IL1RAPL1: variants seen among roughly 807,000 people sequenced by gnomAD.
IL1RAPL1 encodes interleukin 1 receptor accessory protein like 1, also known as interleukin-1 receptor accessory protein-like 1.
Under a neutral mutation model 48.4 loss-of-function variants are expected in IL1RAPL1, and 3 were observed. That is an observed-to-expected ratio of 0.06 (90% CI 0.03 to 0.16). The LOEUF (loss-of-function observed/expected upper bound fraction) is 0.16. IL1RAPL1 is among the 10% of genes least tolerant of loss of function. IL1RAPL1 has a pLI of 1.00. For missense variants in IL1RAPL1, 349 were observed against 530.6 expected (o/e 0.66, Z 3.36); for synonymous variants, 185 against 187.7 (o/e 0.99, Z 0.12).
At chrX:28,732,158 G>A (rs767771369) in intron 1 of IL1RAPL1, among the ~76,000 whole-genome samples, 1 of 112,322 alleles carries the variant, frequency 8.9e-6, no homozygotes, top group South Asian at 3.7e-4. Flanking sequence ...GGTTACATTC[G>A]TCTGAGAGGA....
intron 1 of IL1RAPL1, among the ~76,000 whole-genome samples, chrX:28,685,500 A>T (rs754783378): frequency 8.9e-6 from 1 of 112,246 alleles, no homozygotes; most frequent in South Asian, 3.6e-4. Context: ...TAACTTGTAA[A>T]TTTCCATTGG....
chrX:29,674,591 T>A (rs950951321), intron 6 of IL1RAPL1, among the ~76,000 whole-genome samples: 2 of 111,771 alleles, frequency 1.8e-5, no homozygotes, highest in African/African-American at 6.5e-5. Flanking sequence ...TTATTTTAGG[T>A]TCAGGGGCAC....
chrX:29,265,440 GAT>G (rs1931936161), intron 2 of IL1RAPL1, among the ~76,000 whole-genome samples: 1 of 109,778 alleles, frequency 9.1e-6, no homozygotes, highest in Non-Finnish European at 1.9e-5. Flanking sequence ...AAAGATAAAA[GAT>G]AAATCATGGA....
chrX:28,684,350 C>A (rs1299651772), intron 1 of IL1RAPL1, among the ~76,000 whole-genome samples: 1 of 111,679 alleles, frequency 9.0e-6, no homozygotes, highest in Non-Finnish European at 1.9e-5. Flanking sequence ...GTGTTTACAA[C>A]ATTCTACTCA....
intron 2 of IL1RAPL1, among the ~76,000 whole-genome samples, chrX:28,859,988 T>C (rs1444475450): frequency 9.0e-6 from 1 of 111,231 alleles, no homozygotes; most frequent in Non-Finnish European, 1.9e-5. Flanking sequence ...CCATTGAAGG[T>C]ACCACTCACT....
intron 5 of IL1RAPL1, among the ~76,000 whole-genome samples, chrX:29,413,929 A>G (rs1934181261): frequency 9.0e-6 from 1 of 110,885 alleles, no homozygotes; most frequent in Non-Finnish European, 1.9e-5. Context: ...GTATGTGTAT[A>G]TATATGTGTG....
At chrX:29,621,790 C>T (rs994845963) in intron 5 of IL1RAPL1, among the ~76,000 whole-genome samples, 2 of 112,005 alleles carry the variant, frequency 1.8e-5, no homozygotes, top group Non-Finnish European at 3.8e-5. Flanking sequence ...GAAATATTCT[C>T]TTCTAGCAAT....
At chrX:29,689,912 A>G (rs1011755431) in intron 6 of IL1RAPL1, among the ~76,000 whole-genome samples, 3 of 112,154 alleles carry the variant, frequency 2.7e-5, no homozygotes, top group East Asian at 2.8e-4. Context: ...AGAGAGCCCA[A>G]TTAATAAGGT....
intron 2 of IL1RAPL1, among the ~76,000 whole-genome samples, chrX:29,194,941 A>AG (rs1338800046): frequency 9.0e-6 from 1 of 110,792 alleles, no homozygotes; most frequent in Non-Finnish European, 1.9e-5. Context: ...CAGTCACCTC[A>AG]GTTTATAGGT....
chrX:29,803,212 T>TATATGTATACATATACACACATGTAC (rs1930091467), intron 6 of IL1RAPL1, among the ~76,000 whole-genome samples: 2 of 37,775 alleles, frequency 5.3e-5, no homozygotes, highest in African/African-American at 1.1e-4. Context: ...CACACATGTA[T>TATATGTATACATATACACACATGTAC]ATATGTATAC....
intron 3 of IL1RAPL1, among the ~76,000 whole-genome samples, chrX:29,328,508 A>G (rs948753331): frequency 1.2e-4 from 13 of 111,052 alleles, no homozygotes; most frequent in African/African-American, 4.2e-4. Flanking sequence ...TCAGGTGACT[A>G]CAAGTAAGAA....
intron 6 of IL1RAPL1, among the ~76,000 whole-genome samples, chrX:29,801,045 CAAAAAAAAAAAAAAA>C (rs60240258): frequency 1.8e-3 from 4 of 2,207 alleles, no homozygotes; most frequent in African/African-American, 3.0e-3. Flanking sequence ...CTCTCCGTCT[CAAAAAAAAAAAAAAA>C]AAAAAAAAAA....
chrX:29,702,892 C>G, intron 6 of IL1RAPL1, among the ~76,000 whole-genome samples: 1 of 112,171 alleles, frequency 8.9e-6, no homozygotes, highest in African/African-American at 3.2e-5. Flanking sequence ...TGGGAAGGAT[C>G]CTGGCCTAAT....
intron 2 of IL1RAPL1, among the ~76,000 whole-genome samples, chrX:29,094,436 A>C (rs2147458438): frequency 9.2e-6 from 1 of 109,288 alleles, no homozygotes; most frequent in South Asian, 3.9e-4. Flanking sequence ...TTTTCTTTTA[A>C]ATTTCTAGAT....
intron 3 of IL1RAPL1, among the ~76,000 whole-genome samples, chrX:29,389,212 C>T (rs924444490): frequency 5.5e-5 from 6 of 108,719 alleles, no homozygotes; most frequent in African/African-American, 1.7e-4. Context: ...AAAAATTAGC[C>T]GGGCGTGGTG....
intron 5 of IL1RAPL1, among the ~76,000 whole-genome samples, chrX:29,554,819 T>C (rs960654313): frequency 3.6e-5 from 4 of 112,138 alleles, no homozygotes; most frequent in African/African-American, 1.3e-4. Context: ...ACTGTAATAC[T>C]GTGGTAACTG....
chrX:28,634,347 A>G lies in IL1RAPL1; in HGVS notation c.-25+46300A>G, dbSNP rs181064842. 1.8e-3 allele frequency among the ~76,000 whole-genome samples: 197 copies of G among 108,026 alleles called. 1 individual carries two copies. The highest frequency in any genetic ancestry group is 3.0e-3 in the Non-Finnish European group (155 of 52,456). 93.8% of individuals were successfully genotyped at this position (108,026 alleles called of 115,157 possible). A position where few individuals can be genotyped will look rare whatever the true frequency, so the allele number is the denominator to read the frequency against. ...TATATGTGTGTGTGTGTGTGTGTGT[A>G]TATGTATATATGTGTATATATACAT... On this transcript the variant is annotated intron_variant, in intron 1 of 10. Coordinates refer to ENST00000378993, the MANE Select transcript of IL1RAPL1 (RefSeq NM_014271.4).
intron 2 of IL1RAPL1, among the ~76,000 whole-genome samples, chrX:29,048,478 C>T (rs778697055): frequency 1.8e-5 from 2 of 111,886 alleles, no homozygotes; most frequent in Non-Finnish European, 3.8e-5. Flanking sequence ...TATGCTTCTC[C>T]ATGTGATTCC....
At chrX:29,004,136 C>T (rs1156617652) in intron 2 of IL1RAPL1, among the ~76,000 whole-genome samples, 1 of 110,204 alleles carries the variant, frequency 9.1e-6, no homozygotes, top group Non-Finnish European at 1.9e-5. Flanking sequence ...GCCTAGGCCA[C>T]AGAGTGAGAC....
Sources: allele counts gnomAD v4.1 joint callset (sites outside exome capture counted in the v4.1 genomes callset), GRCh38; gene constraint gnomAD v4.1.1; transcripts MANE v1.5; gene names NCBI Gene and HGNC (gene_info 2026-07-23, HGNC 2026-07-21).